Variants in ZNF713 observed in about 807,000 individuals in gnomAD.
ZNF713 encodes the protein zinc finger protein 713.
Under a neutral mutation model 28.7 loss-of-function variants are expected in ZNF713, and 21 were observed. The observed-to-expected ratio is 0.73, with a 90% CI of 0.52 to 1.05. ZNF713 has a LOEUF of 1.05. Ranked by LOEUF, ZNF713 falls within the 50% of genes least tolerant of loss-of-function variation. The pLI, the probability that ZNF713 is intolerant of heterozygous loss-of-function variation, is 0.00. For synonymous variants in ZNF713, 167 were observed against 178.0 expected (o/e 0.94, Z 0.49); for missense variants, 458 against 532.4 (o/e 0.86, Z 1.37).
intron 1 of ZNF713, among the ~76,000 whole-genome samples, chr7:55,893,579 GT>G (rs563165693): frequency 1.1e-4 from 17 of 152,038 alleles, no homozygotes; most frequent in South Asian, 2.1e-4. Context: ...GTTTTTTGTT[GT>G]TTTGTTTTTG....
rs1785679352 is a variant in ZNF713, at chr7:55,906,363, C to A, written c.-472C>A. Reference sequence around the variant, plus strand: ...GCATGAACTCCCCATCCTCAGCAATCCCATCAGGTGTTTTGGGTAAGTTCT... The same window carrying A: ...GCATGAACTCCCCATCCTCAGCAATACCATCAGGTGTTTTGGGTAAGTTCT... On this transcript the variant is annotated 5_prime_UTR_variant, in exon 2 of 7. Coordinates refer to ENST00000429591, the MANE Select transcript of ZNF713 (RefSeq NM_182633.3). 6.6e-6 allele frequency: 1 copy of A among 152,220 alleles called. No homozygotes were observed. The highest frequency in any genetic ancestry group is 6.5e-5 in the Admixed American group (1 of 15,268). The allele number at this position is 152,220 out of a possible 1,614,324, so 9.4% of individuals were successfully genotyped here.
At chr7:55,892,111 C>G (rs1402161692) in intron 1 of ZNF713, among the ~76,000 whole-genome samples, 1 of 151,744 alleles carries the variant, frequency 6.6e-6, no homozygotes, top group Non-Finnish European at 1.5e-5. Flanking sequence ...AACCCCGTCT[C>G]TACTAAAACT....
chr7:55,931,309 T>A (rs886351340), intron 6 of ZNF713, among the ~76,000 whole-genome samples: 2 of 151,982 alleles, frequency 1.3e-5, no homozygotes, highest in African/African-American at 2.4e-5. Context: ...GAAACAGAAG[T>A]GTTACCCAAC....
chr7:55,928,390 G>A (rs2116252004), intron 6 of ZNF713, among the ~76,000 whole-genome samples: 1 of 152,312 alleles, frequency 6.6e-6, no homozygotes, highest in East Asian at 1.9e-4. Context: ...ACAAGTCTAG[G>A]AAGTGACAGG....
rs1271350611 is a variant in ZNF713, at chr7:55,911,834, G to T, written c.-237G>T. 1 of 152,164 alleles carries T rather than the reference G, an allele frequency of 6.6e-6. No homozygotes were observed. The highest frequency in any genetic ancestry group is 1.5e-5 in the Non-Finnish European group (1 of 68,034). 9.4% of individuals were successfully genotyped at this position (152,164 alleles called of 1,614,324 possible). The stretch of plus-strand genomic sequence containing the variant: ...AAATTATTCTTGTGGCTATCCATTG[G>T]CTCCTGAGGCTCTAATCAGAGATGG... On this transcript the variant is annotated 5_prime_UTR_variant, in exon 3 of 7. Transcript: ENST00000429591.
At chr7:55,922,315 C>A (rs1168290281) in intron 4 of ZNF713, among the ~76,000 whole-genome samples, 1 of 151,740 alleles carries the variant, frequency 6.6e-6, no homozygotes, top group Non-Finnish European at 1.5e-5. Context: ...CTGAGGCGGG[C>A]AGATCATAAG....
chr7:55,895,909 A>G (rs567025778), intron 1 of ZNF713, among the ~76,000 whole-genome samples: 2 of 152,234 alleles, frequency 1.3e-5, no homozygotes. Context: ...TTACCCAACC[A>G]GATTCATACA....
chr7:55,940,024 C>T lies in ZNF713; in HGVS notation c.*18C>T. ...GCACATAACTTATGGTGGGGGAAATCAGATAAATATATAAATGTAGGAGAT... is the reference window on the plus strand; with the variant it reads ...GCACATAACTTATGGTGGGGGAAATTAGATAAATATATAAATGTAGGAGAT... On this transcript the variant is annotated 3_prime_UTR_variant, in exon 7 of 7. Coordinates refer to ENST00000429591, the MANE Select transcript of ZNF713 (RefSeq NM_182633.3). The T allele has an allele frequency of 6.5e-7, 1 of 1,534,304 alleles. No homozygotes were observed. Among genetic ancestry groups the T allele is most frequent in the South Asian group, 1.3e-5 (1 of 76,908 alleles).
At chr7:55,889,118 T>TC (rs1785332398) in intron 1 of ZNF713, among the ~76,000 whole-genome samples, 1 of 151,532 alleles carries the variant, frequency 6.6e-6, no homozygotes, top group African/African-American at 2.4e-5. Flanking sequence ...TTTTTTTTTT[T>TC]GAGATGGAGT....
rs1484680148 is a variant in ZNF713, at chr7:55,912,617, T to C, written c.-2-18T>C. 6 of 1,567,904 alleles carry C rather than the reference T, an allele frequency of 3.8e-6. No individual in the cohort carries two copies. Among genetic ancestry groups the C allele is most frequent in the Non-Finnish European group, 4.4e-6 (5 of 1,143,498 alleles). On this transcript the variant is annotated intron_variant, in intron 3 of 6. Transcript: ENST00000429591. ...ACCTTCGTGTCATATATTAACAAGA[T>C]GCTTCTCTTTTTCCTAGTTATGCCT...
chr7:55,932,745 G>A (rs1030616828), intron 6 of ZNF713, among the ~76,000 whole-genome samples: 11 of 148,378 alleles, frequency 7.4e-5, no homozygotes, highest in African/African-American at 1.5e-4. Context: ...TTAGCCGGGC[G>A]CAGTGGCGGG....
chr7:55,890,257 T>C (rs1399047590), intron 1 of ZNF713, among the ~76,000 whole-genome samples: 1 of 151,578 alleles, frequency 6.6e-6, no homozygotes, highest in African/African-American at 2.4e-5. Flanking sequence ...CAAGACCAAC[T>C]TGGCCAACAT....
At chr7:55,901,573 T>C (rs961679261) in intron 1 of ZNF713, among the ~76,000 whole-genome samples, 4 of 152,218 alleles carry the variant, frequency 2.6e-5, no homozygotes, top group Non-Finnish European at 4.4e-5. Flanking sequence ...ATCTTGACTG[T>C]ATAATGCAAC....
chr7:55,901,674 A>G (rs1000892874), intron 1 of ZNF713, among the ~76,000 whole-genome samples: 1 of 152,190 alleles, frequency 6.6e-6, no homozygotes, highest in African/African-American at 2.4e-5. Context: ...CAGAGAGGGC[A>G]TGGAAGCTCT....
chr7:55,901,831 GA>G (rs963429201), intron 1 of ZNF713, among the ~76,000 whole-genome samples: 1 of 152,214 alleles, frequency 6.6e-6, no homozygotes, highest in Admixed American at 6.5e-5. Flanking sequence ...TAACTCTACA[GA>G]GCAAACCTTT....
At chr7:55,914,759 A>G (rs568220532) in intron 4 of ZNF713, among the ~76,000 whole-genome samples, 1 of 152,342 alleles carries the variant, frequency 6.6e-6, no homozygotes. Flanking sequence ...CAGGGACAAT[A>G]AGGAGACTGT....
chr7:55,891,582 A>G (rs921047811), intron 1 of ZNF713, among the ~76,000 whole-genome samples: 1 of 152,084 alleles, frequency 6.6e-6, no homozygotes, highest in African/African-American at 2.4e-5. Flanking sequence ...GGTCCCAGCT[A>G]CTGGGAAGGC....
rs767499071 is a variant in ZNF713, at chr7:55,939,712, A to T, written c.1038A>T (p.Gln346His). The change falls in exon 7 of 7, where the codon CAA becomes CAT. Residue 346 changes from glutamine (Q) to histidine (H), a missense_variant. Transcript: ENST00000429591. The part of the protein sequence containing the change: ...HTGEKPYKCN[Q>H]CGKAFSRITS... ...GAGAAAAGCCCTATAAATGTAATCAATGTGGTAAAGCTTTTAGCCGCATCA... is the reference window on the plus strand; with the variant it reads ...GAGAAAAGCCCTATAAATGTAATCATTGTGGTAAAGCTTTTAGCCGCATCA... 2 of 1,614,024 alleles carry T rather than the reference A, an allele frequency of 1.2e-6. No individual in the cohort carries two copies. Among genetic ancestry groups the T allele is most frequent in the African/African-American group, 2.7e-5 (2 of 74,924 alleles).
rs962284377 is a variant in ZNF713, at chr7:55,940,447, CA to C, written c.*444del. ...CCATAAACTTTCAATGCGTAGAAAC[CA>C]AATTAATTTAGACCTTAAACTAGCA... On this transcript the variant is annotated 3_prime_UTR_variant, in exon 7 of 7. Transcript: ENST00000429591. 3.0e-6 allele frequency: 3 copies of C among 986,622 alleles called. No individual in the cohort carries two copies. The African/African-American group carries it at 5.2e-5, about 17-fold the overall frequency. 61.1% of individuals were successfully genotyped at this position (986,622 alleles called of 1,614,324 possible). A position where few individuals can be genotyped will look rare whatever the true frequency, so the allele number is the denominator to read the frequency against.
Sources: gnomAD v4.1 joint callset for allele counts (sites outside exome capture counted in the v4.1 genomes callset) on GRCh38, gnomAD v4.1.1 for gene constraint, MANE v1.5 for transcripts, NCBI Gene and HGNC (gene_info 2026-07-23, HGNC 2026-07-21) for gene names.